KIFAP3: variants seen among roughly 807,000 people sequenced by gnomAD.
The protein encoded by KIFAP3 is kinesin-associated protein 3.
Under a neutral mutation model 106.5 loss-of-function variants are expected in KIFAP3, and 68 were observed. The observed-to-expected ratio is 0.64, with a 90% CI of 0.53 to 0.78. The LOEUF (loss-of-function observed/expected upper bound fraction) is 0.78. Among genes scored for constraint, KIFAP3 ranks in the 30% least tolerant of loss-of-function variants. The pLI, the probability that KIFAP3 is intolerant of heterozygous loss-of-function variation, is 0.00. For synonymous variants in KIFAP3, 320 were observed against 311.5 expected, an observed-to-expected ratio of 1.03 and a Z score of -0.29; for missense variants, 780 against 941.8, an observed-to-expected ratio of 0.83 and a Z score of 2.25.
chr1:170,012,682 A>G (rs1271466395), intron 10 of KIFAP3, among the ~76,000 whole-genome samples: 5 of 151,922 alleles, frequency 3.3e-5, no homozygotes, highest in African/African-American at 1.2e-4. Context: ...CAGAGCCATC[A>G]TGTACGGGAT....
intron 10 of KIFAP3, among the ~76,000 whole-genome samples, chr1:169,999,988 T>C (rs933863135): frequency 1.1e-4 from 17 of 152,164 alleles, no homozygotes; most frequent in Middle Eastern, 3.4e-3. Context: ...TCACAATCGA[T>C]TTTCTGCCAA....
At chr1:170,004,610 G>T (rs1206293557) in intron 10 of KIFAP3, among the ~76,000 whole-genome samples, 1 of 152,084 alleles carries the variant, frequency 6.6e-6, no homozygotes, top group Non-Finnish European at 1.5e-5. Flanking sequence ...ATGGGGAAAG[G>T]ATTCCCTATT....
chr1:170,044,026 G>C (rs896835859), intron 3 of KIFAP3, among the ~76,000 whole-genome samples: 5 of 152,058 alleles, frequency 3.3e-5, no homozygotes, highest in African/African-American at 1.2e-4. Context: ...AAAAAGCCTT[G>C]GTCCCTTAGC....
rs373189946 is a variant in KIFAP3 at position 169,972,547 on chromosome 1, C to T, written c.1949G>A (p.Arg650Gln). The change falls in exon 17 of 20, where the codon CGA becomes CAA. Residue 650 changes from arginine (R) to glutamine (Q), a missense_variant. By Grantham distance (43) the Arg-to-Gln change is conservative. Transcript: ENST00000361580. ...DLMHDKNNEI[R>Q]KVCDNTLDII... ...ATCTAATGTATTATCACAGACCTTTCGGATTTCATTATTCTTATCATGCAT... is the reference window on the plus strand; with the variant it reads ...ATCTAATGTATTATCACAGACCTTTTGGATTTCATTATTCTTATCATGCAT... The T allele has an allele frequency of 2.0e-5, 31 of 1,564,560 alleles. No homozygotes were observed. The highest frequency in any genetic ancestry group is 2.6e-5 in the Non-Finnish European group (30 of 1,139,050).
chr1:170,060,410 T>A (rs1425688339), intron 1 of KIFAP3, among the ~76,000 whole-genome samples: 2 of 152,076 alleles, frequency 1.3e-5, no homozygotes, highest in Non-Finnish European at 2.9e-5. Flanking sequence ...TTCCATTCAC[T>A]ATTGCTTCAA....
At chr1:170,082,697 G>A (rs566580052) in intron 1 of KIFAP3, among the ~76,000 whole-genome samples, 66 of 152,296 alleles carry the variant, frequency 4.3e-4, no homozygotes, top group African/African-American at 1.5e-3. Flanking sequence ...AGTTGGCCGG[G>A]CATGGTGGTT....
chr1:169,939,477 A>C (rs748906428), intron 19 of KIFAP3, among the ~76,000 whole-genome samples: 1 of 152,216 alleles, frequency 6.6e-6, no homozygotes, highest in Non-Finnish European at 1.5e-5. Flanking sequence ...TTAAACATTC[A>C]ATTTGATAGC....
At chr1:170,023,266 G>A (rs1571684571) in intron 9 of KIFAP3, among the ~76,000 whole-genome samples, 1 of 151,984 alleles carries the variant, frequency 6.6e-6, no homozygotes, top group African/African-American at 2.4e-5. Context: ...ATAATTCAAG[G>A]TACTTATTAA....
chr1:169,993,907 A>T (rs532134021), intron 10 of KIFAP3, among the ~76,000 whole-genome samples: 1 of 151,890 alleles, frequency 6.6e-6, no homozygotes, highest in Admixed American at 6.6e-5. Flanking sequence ...CAAAAAATAC[A>T]GTGATCTTCT....
At chr1:170,080,885 A>C (rs1672008913) in intron 1 of KIFAP3, among the ~76,000 whole-genome samples, 1 of 152,194 alleles carries the variant, frequency 6.6e-6, no homozygotes, top group Admixed American at 6.5e-5. Flanking sequence ...TGAAATTTAC[A>C]TTTCATTGGA....
rs1248791409 is a variant in KIFAP3, at chr1:170,055,581, C to A, written c.33-145G>T. 1.1e-5 allele frequency: 6 copies of A among 538,630 alleles called. No individual in the cohort carries two copies. The East Asian group carries it at 2.0e-4, about 18-fold the overall frequency. 33.4% of individuals were successfully genotyped at this position (538,630 alleles called of 1,614,324 possible). ...TCTTGACTTGGGATTAGAGATAACT[C>A]TTTTTCTCTGTTTTATATACATATA... On this transcript the variant is annotated intron_variant, in intron 1 of 19. Coordinates refer to ENST00000361580, the MANE Select transcript of KIFAP3 (RefSeq NM_014970.4).
intron 10 of KIFAP3, among the ~76,000 whole-genome samples, chr1:169,999,248 A>G (rs1392307025): frequency 2.6e-5 from 4 of 152,212 alleles, no homozygotes; most frequent in Admixed American, 2.6e-4. Context: ...GAATTCCTAC[A>G]AGAAATGAGG....
At chr1:170,062,563 A>C (rs74895062) in intron 1 of KIFAP3, among the ~76,000 whole-genome samples, 2,471 of 152,210 alleles carry the variant, frequency 0.016, 50 homozygotes, top group South Asian at 0.08. Context: ...TAAATATTTA[A>C]AGTTTTTACA....
chr1:169,942,162 A>C (rs748637466), intron 19 of KIFAP3, among the ~76,000 whole-genome samples: 1 of 152,224 alleles, frequency 6.6e-6, no homozygotes, highest in Non-Finnish European at 1.5e-5. Context: ...AAACTGAAAA[A>C]TAATGTTATG....
chr1:170,025,108 A>T (rs1372276684), intron 8 of KIFAP3, among the ~76,000 whole-genome samples: 1 of 152,160 alleles, frequency 6.6e-6, no homozygotes, highest in Non-Finnish European at 1.5e-5. Flanking sequence ...TCATATGCAA[A>T]CTGATTTTCT....
intron 2 of KIFAP3, among the ~76,000 whole-genome samples, chr1:170,054,739 C>T (rs1670755003): frequency 6.6e-6 from 1 of 151,794 alleles, no homozygotes; most frequent in South Asian, 2.1e-4. Flanking sequence ...TGTTCTCACT[C>T]ATAAATGGGG....
chr1:170,073,993 T>TC (rs1433536401), intron 1 of KIFAP3, among the ~76,000 whole-genome samples: 1 of 152,118 alleles, frequency 6.6e-6, no homozygotes, highest in Non-Finnish European at 1.5e-5. Context: ...ACCACTTCTT[T>TC]CCCCTTCATC....
chr1:169,947,922 T>A (rs1352014351), intron 19 of KIFAP3, among the ~76,000 whole-genome samples: 1 of 151,356 alleles, frequency 6.6e-6, no homozygotes, highest in Non-Finnish European at 1.5e-5. Flanking sequence ...AACATTCACA[T>A]ATAAAGTTTA....
chr1:170,081,626 T>C (rs1672022145), intron 1 of KIFAP3, among the ~76,000 whole-genome samples: 1 of 152,206 alleles, frequency 6.6e-6, no homozygotes, highest in South Asian at 2.1e-4. Context: ...CCCAAGTTCT[T>C]TTCATTATTG....
Sources: gnomAD v4.1 joint callset for allele counts (sites outside exome capture counted in the v4.1 genomes callset) on GRCh38, gnomAD v4.1.1 for gene constraint, MANE v1.5 for transcripts, NCBI Gene and HGNC (gene_info 2026-07-23, HGNC 2026-07-21) for gene names.